The following UBE2Q2 variants were observed in gnomAD, a reference collection of about 807,000 sequenced individuals.
UBE2Q2 encodes ubiquitin conjugating enzyme E2 Q2, also known as ubiquitin-conjugating enzyme E2 Q2.
In UBE2Q2, 54 loss-of-function variants were observed where a neutral mutation model predicts 59.9. The observed-to-expected ratio is 0.90, with a 90% confidence interval of 0.72 to 1.13. The LOEUF (loss-of-function observed/expected upper bound fraction) is 1.13. Ranked by LOEUF, UBE2Q2 falls within the 50% of genes most tolerant of loss-of-function variation. The probability of loss-of-function intolerance (pLI) is 0.00; values close to 1 mark genes in which losing one functional copy is unlikely to be tolerated. For missense variants in UBE2Q2, 433 were observed against 441.9 expected, an observed-to-expected ratio of 0.98 and a Z score of 0.18; for synonymous variants, 165 against 155.2, an observed-to-expected ratio of 1.06 and a Z score of -0.47.
intron 2 of UBE2Q2, among the ~76,000 whole-genome samples, chr15:75,855,137 C>T (rs890789385): frequency 9.9e-5 from 15 of 151,984 alleles, no homozygotes; most frequent in Non-Finnish European, 2.1e-4. Flanking sequence ...AATACATATA[C>T]CTTTATACAT....
In UBE2Q2 at chr15:75,873,658, C is replaced by T. The variant is rs549047645; in HGVS notation, c.588+90C>T. 202 of 1,390,104 alleles carry T rather than the reference C, an allele frequency of 1.5e-4. 1 individual carries two copies. The African/African-American group carries it at 2.6e-3, about 18-fold the overall frequency. 86.1% of individuals were successfully genotyped at this position (1,390,104 alleles called of 1,614,324 possible). On this transcript the variant is annotated intron_variant, in intron 5 of 12. Coordinates refer to ENST00000267938, the MANE Select transcript of UBE2Q2 (RefSeq NM_173469.4). ...CAATTCATTAACATGCCCATCTCAG[C>T]TGCCCTCTTCCTCCATTTCTGCCTT...
At chr15:75,857,506 A>G (rs1896979143) in intron 2 of UBE2Q2, among the ~76,000 whole-genome samples, 1 of 152,184 alleles carries the variant, frequency 6.6e-6, no homozygotes, top group Non-Finnish European at 1.5e-5. Context: ...AATAAGCTAC[A>G]TGTCTTCACC....
intron 4 of UBE2Q2, among the ~76,000 whole-genome samples, chr15:75,870,411 TA>T (rs1357642519): frequency 2.0e-5 from 3 of 152,296 alleles, no homozygotes; most frequent in South Asian, 4.1e-4. Flanking sequence ...AAAATACTCT[TA>T]AAACTGTCAA....
intron 8 of UBE2Q2, among the ~76,000 whole-genome samples, chr15:75,880,874 CA>C (rs896117237): frequency 2.6e-5 from 4 of 152,056 alleles, no homozygotes; most frequent in African/African-American, 7.2e-5. Flanking sequence ...TTTGTACTTA[CA>C]AAAAAGGTAG....
At chr15:75,880,874 CAA>C (rs896117237) in intron 8 of UBE2Q2, among the ~76,000 whole-genome samples, 2 of 152,056 alleles carry the variant, frequency 1.3e-5, no homozygotes, top group African/African-American at 4.8e-5. Flanking sequence ...TTTGTACTTA[CAA>C]AAAAGGTAGT....
intron 12 of UBE2Q2, 61 bp downstream of exon 12, chr15:75,897,122 C>T: frequency 2.1e-6 from 2 of 958,906 alleles, no homozygotes; most frequent in South Asian, 2.8e-5. Flanking sequence ...TGTATTAATA[C>T]TTACCATTTT....
intron 4 of UBE2Q2, among the ~76,000 whole-genome samples, chr15:75,871,530 A>G (rs1206639541): frequency 1.3e-5 from 2 of 152,228 alleles, no homozygotes; most frequent in Admixed American, 6.5e-5. Flanking sequence ...GGCCTTCCGC[A>G]GTGTTTGTGT....
intron 5 of UBE2Q2, among the ~76,000 whole-genome samples, chr15:75,874,647 A>C (rs969111049): frequency 1.3e-5 from 2 of 152,166 alleles, no homozygotes. Flanking sequence ...TCTGGTGACA[A>C]ACACACAATT....
intron 1 of UBE2Q2, among the ~76,000 whole-genome samples, chr15:75,853,514 A>G (rs916330502): frequency 6.6e-6 from 1 of 151,690 alleles, no homozygotes; most frequent in African/African-American, 2.4e-5. Flanking sequence ...ATATGTATGT[A>G]TGTATGTATG....
chr15:75,856,246 C>CGTGTGTGTGTGTGT lies in UBE2Q2; in HGVS notation c.282+1770_282+1783dup, dbSNP rs370925975. Among the ~76,000 whole-genome samples the CGTGTGTGTGTGTGT allele has an allele frequency of 4.7e-3, 631 of 135,566 alleles. 4 individuals are homozygous for CGTGTGTGTGTGTGT. The highest frequency in any genetic ancestry group is 8.9e-3 in the African/African-American group (304 of 34,342). 88.9% of individuals were successfully genotyped at this position (135,566 alleles called of 152,430 possible). A position where few individuals can be genotyped will look rare whatever the true frequency, so the allele number is the denominator to read the frequency against. ...ACATGTATGTGTATATGTGTATATA[C>CGTGTGTGTGTGTGT]GTGTGTGTGTGTGTGTGTGTGTGTA... On this transcript the variant is annotated intron_variant, in intron 2 of 12. Coordinates refer to ENST00000267938, the MANE Select transcript of UBE2Q2 (RefSeq NM_173469.4).
chr15:75,863,614 A>T (rs1897303380), intron 3 of UBE2Q2, among the ~76,000 whole-genome samples: 1 of 138,178 alleles, frequency 7.2e-6, no homozygotes, highest in East Asian at 2.1e-4. Flanking sequence ...GCCAGCTGAT[A>T]TTTTATAAAC....
intron 9 of UBE2Q2, among the ~76,000 whole-genome samples, chr15:75,886,075 T>C (rs898927475): frequency 6.6e-6 from 1 of 152,186 alleles, no homozygotes; most frequent in African/African-American, 2.4e-5. Context: ...AAAATATCTT[T>C]AACGAAGCCT....
chr15:75,896,809 T>A (rs1899450799), intron 11 of UBE2Q2, among the ~76,000 whole-genome samples, 186 bp from the exon 12 acceptor site: 1 of 152,218 alleles, frequency 6.6e-6, no homozygotes, highest in Non-Finnish European at 1.5e-5. Context: ...TTTGGTTTTG[T>A]TATTTTTATA....
At chr15:75,843,884 G>A in intron 1 of UBE2Q2, 38 bp downstream of exon 1, 2 of 1,516,334 alleles carry the variant, frequency 1.3e-6, no homozygotes, top group South Asian at 2.5e-5. Flanking sequence ...GGCAGGGCGA[G>A]GACGGAGAGG....
At chr15:75,866,622 C>T (rs560768742) in intron 3 of UBE2Q2, among the ~76,000 whole-genome samples, 1 of 152,212 alleles carries the variant, frequency 6.6e-6, no homozygotes, top group African/African-American at 2.4e-5. Context: ...CTTAACTGTT[C>T]TCTTACTTAC....
intron 11 of UBE2Q2, among the ~76,000 whole-genome samples, chr15:75,895,472 C>CAGGTACTTTTAGTAA (rs1899360353): frequency 6.6e-6 from 1 of 151,860 alleles, no homozygotes; most frequent in Admixed American, 6.6e-5. Flanking sequence ...TGTGAGCCAC[C>CAGGTACTTTTAGTAA]GTGCCTGGCC....
intron 9 of UBE2Q2, among the ~76,000 whole-genome samples, chr15:75,883,839 T>TACACACACAC (rs10524276): frequency 1.2e-4 from 18 of 152,002 alleles, no homozygotes; most frequent in African/African-American, 4.4e-4. Context: ...TATTTATACA[T>TACACACACAC]ACACACACAC....
At chr15:75,848,661 ATT>A (rs532016787) in intron 1 of UBE2Q2, among the ~76,000 whole-genome samples, 6 of 146,854 alleles carry the variant, frequency 4.1e-5, no homozygotes, top group Non-Finnish European at 7.5e-5. Context: ...TAGTATCTTG[ATT>A]TTTTTTTTTT....
chr15:75,846,281 C>T (rs565112360), intron 1 of UBE2Q2, among the ~76,000 whole-genome samples: 82 of 152,040 alleles, frequency 5.4e-4, no homozygotes, highest in Non-Finnish European at 1.0e-3. Context: ...TGTGTCGTCC[C>T]AGCTGGAGTG....
Sources: allele counts gnomAD v4.1 joint callset (sites outside exome capture counted in the v4.1 genomes callset), GRCh38; gene constraint gnomAD v4.1.1; transcripts MANE v1.5; gene names NCBI Gene and HGNC (gene_info 2026-07-23, HGNC 2026-07-21).